STK33: variants seen among roughly 807,000 people sequenced by gnomAD.
STK33 encodes serine/threonine-protein kinase 33.
In STK33, 52 loss-of-function variants were observed where a neutral mutation model predicts 58.0. That is an observed-to-expected ratio of 0.90 (90% confidence interval 0.72 to 1.13). The LOEUF (loss-of-function observed/expected upper bound fraction) is 1.13. STK33 is among the 50% of genes most tolerant of loss of function. The probability of loss-of-function intolerance (pLI) is 0.00; values close to 1 mark genes in which losing one functional copy is unlikely to be tolerated. For synonymous variants in STK33, 215 were observed against 200.1 expected (o/e 1.07, Z -0.63); for missense variants, 630 against 604.2 (o/e 1.04, Z -0.45).
At chr11:8,498,251 T>C (rs1030198281) in intron 1 of STK33, among the ~76,000 whole-genome samples, 6 of 151,984 alleles carry the variant, frequency 3.9e-5, no homozygotes, top group African/African-American at 1.2e-4. Flanking sequence ...CTCAAACTGA[T>C]AAAAGTCATC....
At chr11:8,440,641 C>A in intron 12 of STK33, 37 bp downstream of exon 12, 1 of 1,501,276 alleles carries the variant, frequency 6.7e-7, no homozygotes, top group South Asian at 1.3e-5. Flanking sequence ...AGAAACTATC[C>A]ACTCATCTTA....
intron 1 of STK33, among the ~76,000 whole-genome samples, chr11:8,522,760 C>G (rs115030449): frequency 0.012 from 1,862 of 152,270 alleles, 39 homozygotes; most frequent in African/African-American, 0.042. Context: ...CCCTCTCCCT[C>G]TCCCTTTCCC....
At chr11:8,548,043 A>G (rs1956063758) in intron 1 of STK33, among the ~76,000 whole-genome samples, 1 of 151,904 alleles carries the variant, frequency 6.6e-6, no homozygotes, top group South Asian at 2.1e-4. Flanking sequence ...GGATAGCATT[A>G]GGAGATATAC....
At chr11:8,470,472 T>C (rs1338366358) in intron 6 of STK33, among the ~76,000 whole-genome samples, 2 of 152,254 alleles carry the variant, frequency 1.3e-5, no homozygotes, top group Non-Finnish European at 2.9e-5. Context: ...TAAGGCTGTT[T>C]TGCTTATCAT....
intron 1 of STK33, among the ~76,000 whole-genome samples, chr11:8,543,837 CA>C (rs1173541593): frequency 6.6e-6 from 1 of 152,000 alleles, no homozygotes; most frequent in Non-Finnish European, 1.5e-5. Flanking sequence ...ATGCATGTAT[CA>C]AAATATCTCA....
intron 1 of STK33, among the ~76,000 whole-genome samples, chr11:8,494,598 T>A (rs1333879565): frequency 1.3e-5 from 2 of 152,166 alleles, no homozygotes; most frequent in Admixed American, 1.3e-4. Context: ...AAAACTACTT[T>A]AAAGTTCATA....
At chr11:8,510,845 C>T (rs949282815) in intron 1 of STK33, among the ~76,000 whole-genome samples, 2 of 152,120 alleles carry the variant, frequency 1.3e-5, no homozygotes, top group African/African-American at 4.8e-5. Context: ...GCTCTCCATT[C>T]TGTTCCATCG....
At chr11:8,361,053 C>A in the STK33 span, among the ~76,000 whole-genome samples, 1 of 152,214 alleles carries the variant, frequency 6.6e-6, no homozygotes, top group African/African-American at 2.4e-5. The surrounding 1 kb of genome is among the most constrained non-coding windows in gnomAD (Gnocchi z 4.8). Flanking sequence ...CTACCACATA[C>A]GGCCAGGCCC....
intron 1 of STK33, among the ~76,000 whole-genome samples, chr11:8,591,264 T>C (rs1295615943): frequency 6.6e-6 from 1 of 152,212 alleles, no homozygotes; most frequent in Non-Finnish European, 1.5e-5. Context: ...TCTTTTAGAT[T>C]TTTTATTGGA....
intron 1 of STK33, among the ~76,000 whole-genome samples, chr11:8,592,538 C>T (rs944521950): frequency 6.6e-6 from 1 of 152,140 alleles, no homozygotes; most frequent in African/African-American, 2.4e-5. Flanking sequence ...AACAGTATGG[C>T]AATGTTTCGA....
chr11:8,407,223 T>A (rs114398593), intron 15 of STK33, among the ~76,000 whole-genome samples: 1,781 of 152,228 alleles, frequency 0.012, 36 homozygotes, highest in African/African-American at 0.04. Context: ...ATGCTATTCT[T>A]TTATATATTT....
chr11:8,587,268 T>C (rs1289626688), intron 1 of STK33, among the ~76,000 whole-genome samples: 1 of 152,168 alleles, frequency 6.6e-6, no homozygotes, highest in African/African-American at 2.4e-5. Context: ...TTCAATGGGA[T>C]GGGAAACTAG....
intron 1 of STK33, among the ~76,000 whole-genome samples, chr11:8,482,119 G>T (rs927346030): frequency 6.6e-6 from 1 of 152,138 alleles, no homozygotes; most frequent in African/African-American, 2.4e-5. Flanking sequence ...TGTTTCCTTT[G>T]ATCCCAGTGA....
chr11:8,392,755 C>T, intron 15 of STK33, 45 bp from the exon 16 acceptor site: 1 of 1,592,774 alleles, frequency 6.3e-7, no homozygotes, highest in Non-Finnish European at 8.6e-7. Flanking sequence ...CAAAGCAATG[C>T]ACATCAATTC....
At chr11:8,493,518 A>T (rs1021780011) in intron 1 of STK33, among the ~76,000 whole-genome samples, 2 of 152,194 alleles carry the variant, frequency 1.3e-5, no homozygotes, top group African/African-American at 4.8e-5. Flanking sequence ...TACCAGAGGT[A>T]TGAACAGGAG....
chr11:8,378,038 C>G, the STK33 span, among the ~76,000 whole-genome samples: 2 of 152,102 alleles, frequency 1.3e-5, no homozygotes, highest in Admixed American at 6.6e-5. Context: ...CTGTATTAGT[C>G]CATTCTTGGG....
downstream of STK33, among the ~76,000 whole-genome samples, chr11:8,389,261 G>A (rs759840405): frequency 1.5e-4 from 23 of 152,272 alleles, no homozygotes; most frequent in Non-Finnish European, 2.5e-4. Context: ...AAAGAAGGCA[G>A]CAAATGCCCA....
At chr11:8,537,192 C>G (rs2140260757) in intron 1 of STK33, among the ~76,000 whole-genome samples, 1 of 151,646 alleles carries the variant, frequency 6.6e-6, no homozygotes, top group East Asian at 2.0e-4. Flanking sequence ...GTTGGCCAGG[C>G]TGGTCTCGAA....
the STK33 span, among the ~76,000 whole-genome samples, chr11:8,368,099 C>G: frequency 6.6e-6 from 1 of 152,084 alleles, no homozygotes; most frequent in Non-Finnish European, 1.5e-5. Flanking sequence ...CAGCAGAGGG[C>G]GGGATCCTCC....
Sources: allele counts gnomAD v4.1 joint callset (sites outside exome capture counted in the v4.1 genomes callset), GRCh38; gene constraint gnomAD v4.1.1; non-coding constraint Gnocchi (gnomAD v3.1); transcripts MANE v1.5; gene names NCBI Gene and HGNC (gene_info 2026-07-23, HGNC 2026-07-21).